The following TENM3 variants were observed in gnomAD, a reference collection of about 807,000 sequenced individuals.
The protein encoded by TENM3 is teneurin transmembrane protein 3, also known as teneurin-3.
TENM3 carries 63 observed loss-of-function variants against 255.1 expected under a neutral mutation model. That is an observed-to-expected ratio of 0.25 (90% CI 0.20 to 0.30). The LOEUF (loss-of-function observed/expected upper bound fraction) is 0.30. Among genes scored for constraint, TENM3 ranks in the 10% least tolerant of loss-of-function variants. The probability of loss-of-function intolerance (pLI) is 1.00; values close to 1 mark genes in which losing one functional copy is unlikely to be tolerated. For synonymous variants in TENM3, 1,306 were observed against 1,322.3 expected, an observed-to-expected ratio of 0.99 and a Z score of 0.27; for missense variants, 2,929 against 3,461.1, an observed-to-expected ratio of 0.85 and a Z score of 3.86.
intron 1 of TENM3, among the ~76,000 whole-genome samples, chr4:182,307,185 G>A (rs543215876): frequency 6.6e-6 from 1 of 152,296 alleles, no homozygotes; most frequent in South Asian, 2.1e-4. Flanking sequence ...GGAAAGTGGG[G>A]CAGATGAAGA....
the TENM3 span, among the ~76,000 whole-genome samples, chr4:182,061,107 G>C: frequency 6.6e-6 from 1 of 152,172 alleles, no homozygotes; most frequent in Non-Finnish European, 1.5e-5. Context: ...GTTCTGAGTT[G>C]CTGGTGGGAA....
the TENM3 span, among the ~76,000 whole-genome samples, chr4:182,131,512 A>G: frequency 6.6e-6 from 1 of 152,196 alleles, no homozygotes; most frequent in Non-Finnish European, 1.5e-5. Flanking sequence ...TCATGAATAT[A>G]TCATATCCAT....
chr4:182,110,320 C>G, the TENM3 span, among the ~76,000 whole-genome samples: 1 of 151,602 alleles, frequency 6.6e-6, no homozygotes, highest in South Asian at 2.1e-4. Flanking sequence ...TTTAGTAGCT[C>G]TTTTATGATT....
the TENM3 span, among the ~76,000 whole-genome samples, chr4:181,642,180 G>A: frequency 6.6e-6 from 1 of 152,000 alleles, no homozygotes; most frequent in South Asian, 2.1e-4. Flanking sequence ...GGTGTGAGAT[G>A]GTATCTCATT....
In TENM3 at chr4:182,789,039, C is replaced by G. The variant is rs1403040518; in HGVS notation, c.5305-54C>G. 2.1e-6 allele frequency: 3 copies of G among 1,459,566 alleles called. No homozygotes were observed. Among genetic ancestry groups the G allele is most frequent in the Non-Finnish European group, 1.9e-6 (2 of 1,078,768 alleles). 90.4% of individuals were successfully genotyped at this position (1,459,566 alleles called of 1,614,324 possible). A position where few individuals can be genotyped will look rare whatever the true frequency, so the allele number is the denominator to read the frequency against. On this transcript the variant is annotated intron_variant, in intron 24 of 27. Coordinates refer to ENST00000511685, the MANE Select transcript of TENM3 (RefSeq NM_001080477.4). The surrounding 1 kb of genome is among the most constrained non-coding windows in gnomAD (Gnocchi z 4.4). ...AATGGTGTTTAAACAATACTGGGGA[C>G]TCCGGTGTTGGAATAACATGATTTA... is the stretch of plus-strand genomic sequence containing the variant.
chr4:182,710,891 G>T (rs1020416035), intron 12 of TENM3, among the ~76,000 whole-genome samples: 3 of 152,096 alleles, frequency 2.0e-5, no homozygotes, highest in Non-Finnish European at 4.4e-5. Flanking sequence ...AGTGGACAGG[G>T]GCAGGTACAG....
intron 3 of TENM3, among the ~76,000 whole-genome samples, chr4:182,518,660 C>T (rs1300408734): frequency 5.3e-5 from 8 of 152,154 alleles, no homozygotes; most frequent in Non-Finnish European, 1.0e-4. Flanking sequence ...TCCCCAAACT[C>T]TAGATGAGAA....
At chr4:181,650,234 G>A in the TENM3 span, among the ~76,000 whole-genome samples, 5 of 152,154 alleles carry the variant, frequency 3.3e-5, no homozygotes, top group Admixed American at 6.5e-5. Flanking sequence ...ACCTACATGA[G>A]TCAGCAAACT....
intron 1 of TENM3, among the ~76,000 whole-genome samples, chr4:182,200,825 C>T (rs1283770549): frequency 1.7e-5 from 1 of 57,800 alleles, no homozygotes; most frequent in African/African-American, 4.9e-5. Flanking sequence ...AACTAGAGTG[C>T]CTTTTTTTTT....
At chr4:181,888,564 A>G in the TENM3 span, among the ~76,000 whole-genome samples, 3 of 93,430 alleles carry the variant, frequency 3.2e-5, no homozygotes, top group African/African-American at 8.2e-5. Context: ...ATATATACAT[A>G]TATGTATATA....
chr4:182,600,274 G>A (rs1184894401), intron 3 of TENM3, among the ~76,000 whole-genome samples: 1 of 152,220 alleles, frequency 6.6e-6, no homozygotes, highest in Non-Finnish European at 1.5e-5. Context: ...GTCTTCTGAC[G>A]TTGTAATCAG....
intron 1 of TENM3, among the ~76,000 whole-genome samples, chr4:182,215,812 T>G (rs1301790038): frequency 6.6e-6 from 1 of 152,224 alleles, no homozygotes; most frequent in Non-Finnish European, 1.5e-5. Context: ...TAACTTGCAA[T>G]CAGGTTTCAA....
intron 1 of TENM3, among the ~76,000 whole-genome samples, chr4:182,186,434 G>T (rs1175889966): frequency 1.3e-5 from 2 of 151,612 alleles, no homozygotes; most frequent in Non-Finnish European, 2.9e-5. Context: ...TGTATATATC[G>T]ATGTCTTTGA....
upstream of TENM3, among the ~76,000 whole-genome samples, chr4:182,139,162 G>A (rs1749216374): frequency 6.6e-6 from 1 of 152,172 alleles, no homozygotes; most frequent in Non-Finnish European, 1.5e-5. Flanking sequence ...TATTAGGAAA[G>A]ACCTATGCAA....
At chr4:182,160,057 C>T (rs1258250616) in intron 1 of TENM3, among the ~76,000 whole-genome samples, 1 of 150,318 alleles carries the variant, frequency 6.7e-6, no homozygotes, top group Non-Finnish European at 1.5e-5. Flanking sequence ...GGCTGGAGTG[C>T]AGCGGTGCGA....
At chr4:182,452,182 A>G (rs2151325481) in intron 3 of TENM3, among the ~76,000 whole-genome samples, 1 of 152,350 alleles carries the variant, frequency 6.6e-6, no homozygotes, top group Non-Finnish European at 1.5e-5. Flanking sequence ...TTTAGCACCT[A>G]ACACTTGAGA....
intron 11 of TENM3, among the ~76,000 whole-genome samples, chr4:182,685,651 A>G (rs556316666): frequency 1.3e-5 from 2 of 152,238 alleles, no homozygotes; most frequent in East Asian, 1.9e-4. Flanking sequence ...AATTACTTCT[A>G]TAGTAAAGGT....
the TENM3 span, among the ~76,000 whole-genome samples, chr4:181,692,239 A>G: frequency 2.0e-5 from 3 of 152,218 alleles, no homozygotes; most frequent in African/African-American, 7.2e-5. Context: ...AAGTAAAGAT[A>G]TTCCAGCATT....
the TENM3 span, among the ~76,000 whole-genome samples, chr4:181,739,013 C>T: frequency 2.0e-5 from 3 of 152,132 alleles, no homozygotes; most frequent in Admixed American, 2.0e-4. Context: ...GGCACACTCA[C>T]TCCGTCACTG....
Sources: gnomAD v4.1 joint callset for allele counts (sites outside exome capture counted in the v4.1 genomes callset) on GRCh38, gnomAD v4.1.1 for gene constraint, Gnocchi (gnomAD v3.1) non-coding constraint, MANE v1.5 for transcripts, NCBI Gene and HGNC (gene_info 2026-07-23, HGNC 2026-07-21) for gene names.